Variants in DLGAP1 observed in about 807,000 individuals in gnomAD.
DLGAP1 encodes the protein DLG associated protein 1.
In DLGAP1, 11 loss-of-function variants were observed where a neutral mutation model predicts 90.8. That is an observed-to-expected ratio of 0.12 (90% CI 0.08 to 0.20). DLGAP1 has a LOEUF of 0.20. Ranked by LOEUF, DLGAP1 falls within the 10% of genes least tolerant of loss-of-function variation. DLGAP1 has a pLI of 1.00. For synonymous variants in DLGAP1, 558 were observed against 540.7 expected (o/e 1.03, Z -0.44); for missense variants, 1,050 against 1,333.8 (o/e 0.79, Z 3.31).
intron 1 of DLGAP1, among the ~76,000 whole-genome samples, chr18:4,412,867 C>G (rs912653268): frequency 1.3e-5 from 2 of 152,300 alleles, no homozygotes; most frequent in East Asian, 3.9e-4. Context: ...CATGATTTGC[C>G]AAAGTCCTAA....
At chr18:3,804,688 C>A (rs912716698) in intron 5 of DLGAP1, among the ~76,000 whole-genome samples, 1 of 152,150 alleles carries the variant, frequency 6.6e-6, no homozygotes, top group African/African-American at 2.4e-5. Context: ...TCAACCACTG[C>A]GCATTAAAGT....
At chr18:3,637,516 C>T (rs2058759681) in intron 7 of DLGAP1, among the ~76,000 whole-genome samples, 1 of 149,336 alleles carries the variant, frequency 6.7e-6, no homozygotes, top group Non-Finnish European at 1.5e-5. Context: ...GGAGGATTGC[C>T]TGAGCCCAGG....
intron 2 of DLGAP1, among the ~76,000 whole-genome samples, chr18:4,109,404 C>T (rs768271877): frequency 2.6e-5 from 4 of 152,086 alleles, no homozygotes; most frequent in Admixed American, 6.5e-5. Flanking sequence ...TGTACATCAG[C>T]GTGGGGCATT....
At position 3,772,308 on chromosome 18, in the gene DLGAP1, TCC is replaced by T. The variant is rs1188158996; in HGVS notation, c.1173-29798_1173-29797del. Among the ~76,000 whole-genome samples the T allele has an allele frequency of 5.4e-3, 574 of 105,886 alleles. 3 individuals are homozygous for T. The highest frequency in any genetic ancestry group is 7.6e-3 in the Non-Finnish European group (430 of 56,736). 69.5% of individuals were successfully genotyped at this position (105,886 alleles called of 152,430 possible). ...CCTTTTCTCCTTTTCTTTCTTTCTC[TCC>T]TTCCTTCCTTCCTTTCTCTCCTTCT... is the stretch of plus-strand genomic sequence containing the variant. On this transcript the variant is annotated intron_variant, in intron 5 of 12. Coordinates refer to ENST00000315677, the MANE Select transcript of DLGAP1 (RefSeq NM_004746.4).
chr18:4,369,445 C>T (rs1015824805), intron 1 of DLGAP1, among the ~76,000 whole-genome samples: 1 of 152,098 alleles, frequency 6.6e-6, no homozygotes, highest in Non-Finnish European at 1.5e-5. Context: ...CCAATGCCTT[C>T]GTTACCACAA....
intron 2 of DLGAP1, among the ~76,000 whole-genome samples, chr18:4,147,556 C>T (rs2076604659): frequency 6.6e-6 from 1 of 150,514 alleles, no homozygotes; most frequent in African/African-American, 2.5e-5. Context: ...GGTTGCTAAA[C>T]CTGTTCATCC....
In DLGAP1 at chr18:3,772,296, T is replaced by A. The variant is rs1034320934; in HGVS notation, c.1173-29784A>T. ...CTTCCTTTCTCTCCTTTTCTCCTTT[T>A]CTTTCTTTCTCTCCTTCCTTCCTTC... On this transcript the variant is annotated intron_variant, in intron 5 of 12. Coordinates refer to ENST00000315677, the MANE Select transcript of DLGAP1 (RefSeq NM_004746.4). 6.7e-4 allele frequency among the ~76,000 whole-genome samples: 93 copies of A among 139,194 alleles called. 1 individual carries two copies. Among genetic ancestry groups the A allele is most frequent in the African/African-American group, 2.5e-3 (85 of 33,390 alleles). 91.3% of individuals were successfully genotyped at this position (139,194 alleles called of 152,430 possible).
intron 1 of DLGAP1, among the ~76,000 whole-genome samples, chr18:4,405,285 T>C (rs1390562229): frequency 6.6e-6 from 1 of 152,198 alleles, no homozygotes; most frequent in Non-Finnish European, 1.5e-5. Context: ...TGGTCCATTT[T>C]CCACTGGTGG....
At chr18:4,389,882 A>C (rs2082306439) in intron 1 of DLGAP1, among the ~76,000 whole-genome samples, 1 of 152,206 alleles carries the variant, frequency 6.6e-6, no homozygotes, top group South Asian at 2.1e-4. Flanking sequence ...TAGTTTAAAT[A>C]TTACTGGTGA....
intron 3 of DLGAP1, among the ~76,000 whole-genome samples, chr18:3,943,459 T>TTG (rs1195728860): frequency 2.0e-5 from 3 of 150,300 alleles, no homozygotes; most frequent in East Asian, 1.9e-4. Flanking sequence ...GGGTTTTTTT[T>TTG]TTTTTTTTTT....
intron 11 of DLGAP1, among the ~76,000 whole-genome samples, chr18:3,507,963 C>A (rs1164953409): frequency 6.6e-6 from 1 of 152,212 alleles, no homozygotes; most frequent in East Asian, 1.9e-4. Flanking sequence ...TCTCGAACTC[C>A]TGACCTCAGG....
Position 3,682,116 on chromosome 18 carries a change from CAA to C in DLGAP1, c.1591+47017_1591+47018del, listed in dbSNP as rs56914443. The stretch of plus-strand genomic sequence containing the variant: ...CTGGGTGACAGGCGAGACCCTGTCT[CAA>C]AAAAAAAAAAAATAAAAAAAAATAA... On this transcript the variant is annotated intron_variant, in intron 7 of 12. Coordinates refer to ENST00000315677, the MANE Select transcript of DLGAP1 (RefSeq NM_004746.4). Among the ~76,000 whole-genome samples, 56 of 111,942 alleles carry C rather than the reference CAA, an allele frequency of 5.0e-4. 1 individual carries two copies. The highest frequency in any genetic ancestry group is 1.4e-3 in the African/African-American group (43 of 30,438). 73.4% of individuals were successfully genotyped at this position (111,942 alleles called of 152,430 possible).
intron 2 of DLGAP1, among the ~76,000 whole-genome samples, chr18:4,132,615 T>C (rs2076333561): frequency 6.6e-6 from 1 of 152,198 alleles, no homozygotes; most frequent in Non-Finnish European, 1.5e-5. Context: ...TTGTCTAACA[T>C]ATAAGCATCA....
At chr18:4,136,020 C>T (rs1474395502) in intron 2 of DLGAP1, among the ~76,000 whole-genome samples, 1 of 151,856 alleles carries the variant, frequency 6.6e-6, no homozygotes, top group African/African-American at 2.4e-5. Flanking sequence ...CCTCCCCCTC[C>T]CCCCACCTCA....
intron 7 of DLGAP1, among the ~76,000 whole-genome samples, chr18:3,672,386 T>C (rs2060121568): frequency 6.6e-6 from 1 of 151,858 alleles, no homozygotes; most frequent in Non-Finnish European, 1.5e-5. Context: ...GAGACCAGCC[T>C]GGGCAATATG....
intron 4 of DLGAP1, among the ~76,000 whole-genome samples, chr18:3,843,116 ATGTG>A (rs1337298505): frequency 6.6e-6 from 1 of 152,034 alleles, no homozygotes; most frequent in African/African-American, 2.4e-5. Context: ...GTGGCCTTTG[ATGTG>A]TGTGTGTATA....
chr18:4,269,733 A>T (rs1172366929), intron 1 of DLGAP1, among the ~76,000 whole-genome samples: 1 of 152,092 alleles, frequency 6.6e-6, no homozygotes, highest in East Asian at 1.9e-4. Context: ...AATTAATGTT[A>T]CAGCTATAAA....
intron 1 of DLGAP1, among the ~76,000 whole-genome samples, chr18:4,290,893 C>T (rs1015574522): frequency 3.3e-5 from 5 of 152,092 alleles, no homozygotes; most frequent in South Asian, 2.1e-4. Flanking sequence ...ATGTGAAGTG[C>T]CCTGTACGGA....
At chr18:4,002,472 T>C (rs1412571621) in intron 3 of DLGAP1, among the ~76,000 whole-genome samples, 1 of 48,506 alleles carries the variant, frequency 2.1e-5, no homozygotes, top group Non-Finnish European at 5.7e-5. Context: ...AGGATATGGA[T>C]AAAGACCTTT....
Sources: allele counts gnomAD v4.1 joint callset (sites outside exome capture counted in the v4.1 genomes callset), GRCh38; gene constraint gnomAD v4.1.1; transcripts MANE v1.5; gene names NCBI Gene and HGNC (gene_info 2026-07-23, HGNC 2026-07-21).